Variants in DENND5A observed in about 807,000 individuals in gnomAD.
The protein encoded by DENND5A is DENN domain-containing protein 5A.
Under a neutral mutation model 140.3 loss-of-function variants are expected in DENND5A, and 64 were observed. The ratio of observed to expected loss-of-function variants is 0.46; its 90% CI spans 0.37 to 0.56. The LOEUF (loss-of-function observed/expected upper bound fraction) is 0.56, where lower values mean the gene tolerates loss of function less well. Among genes scored for constraint, DENND5A ranks in the 20% least tolerant of loss-of-function variants. DENND5A has a pLI of 0.00. For missense variants in DENND5A, 1,292 were observed against 1,593.8 expected (o/e 0.81, Z 3.22); for synonymous variants, 605 against 607.7 (o/e 1.00, Z 0.07).
chr11:9,240,758 A>G (rs1851203108), intron 1 of DENND5A, among the ~76,000 whole-genome samples: 1 of 151,830 alleles, frequency 6.6e-6, no homozygotes, highest in African/African-American at 2.4e-5. Flanking sequence ...GCCTTGTTTC[A>G]GTGTGCCTGC....
At chr11:9,227,152 G>A (rs1850562945) in intron 1 of DENND5A, among the ~76,000 whole-genome samples, 1 of 151,194 alleles carries the variant, frequency 6.6e-6, no homozygotes, top group African/African-American at 2.4e-5. Context: ...TGGGCAACAA[G>A]AGTGAAACTC....
chr11:9,263,496 A>G (rs1590356082), intron 1 of DENND5A, among the ~76,000 whole-genome samples: 1 of 146,454 alleles, frequency 6.8e-6, no homozygotes, highest in South Asian at 2.3e-4. Flanking sequence ...TGCTGGGATT[A>G]CCCCTGAGCC....
At chr11:9,186,454 T>C (rs1848916356) in intron 5 of DENND5A, among the ~76,000 whole-genome samples, 1 of 152,182 alleles carries the variant, frequency 6.6e-6, no homozygotes, top group Non-Finnish European at 1.5e-5. Flanking sequence ...AATGCAATCA[T>C]TTACCTCCTC....
chr11:9,216,106 G>C (rs899583172), intron 1 of DENND5A, among the ~76,000 whole-genome samples: 3 of 152,232 alleles, frequency 2.0e-5, no homozygotes, highest in African/African-American at 7.2e-5. Flanking sequence ...AACTAGTCAA[G>C]AAGGCAGGAG....
At chr11:9,193,375 A>G in intron 5 of DENND5A, 119 bp downstream of exon 5, 4 of 760,396 alleles carry the variant, frequency 5.3e-6, no homozygotes, top group Non-Finnish European at 7.8e-6. Flanking sequence ...GAAGTTATTC[A>G]TAATCACCAA....
At chr11:9,260,475 C>G (rs1316852336) in intron 1 of DENND5A, among the ~76,000 whole-genome samples, 1 of 152,130 alleles carries the variant, frequency 6.6e-6, no homozygotes, top group Non-Finnish European at 1.5e-5. Flanking sequence ...TCTGCCTCCC[C>G]ACTTACGATG....
At chr11:9,227,169 AAAATAAATAAATAAAT>A (rs540334549) in intron 1 of DENND5A, among the ~76,000 whole-genome samples, 7 of 145,746 alleles carry the variant, frequency 4.8e-5, no homozygotes, top group East Asian at 2.0e-4. Context: ...ACTCCATCTC[AAAATAAATAAATAAAT>A]AAATAAATAA....
At chr11:9,187,561 G>A (rs1463784357) in intron 5 of DENND5A, among the ~76,000 whole-genome samples, 3 of 152,138 alleles carry the variant, frequency 2.0e-5, no homozygotes, top group Non-Finnish European at 4.4e-5. Context: ...GTTATTCATT[G>A]AAAAGGAGTT....
intron 11 of DENND5A, among the ~76,000 whole-genome samples, chr11:9,163,216 C>T (rs1246457983): frequency 1.3e-5 from 2 of 152,138 alleles, no homozygotes; most frequent in Non-Finnish European, 2.9e-5. Context: ...TTGTACATAT[C>T]TCTTGGGACA....
At chr11:9,235,084 A>G (rs931511578) in intron 1 of DENND5A, among the ~76,000 whole-genome samples, 1 of 152,194 alleles carries the variant, frequency 6.6e-6, no homozygotes, top group African/African-American at 2.4e-5. Context: ...GCAGTTTCTT[A>G]AAGTTACTAT....
intron 12 of DENND5A, 42 bp downstream of exon 12, chr11:9,160,671 G>A: frequency 6.4e-7 from 1 of 1,569,456 alleles, no homozygotes; most frequent in Non-Finnish European, 8.7e-7. Flanking sequence ...CTGAAAACAG[G>A]AAGACAATTT....
At chr11:9,147,328 C>T (rs773807152) in intron 15 of DENND5A, among the ~76,000 whole-genome samples, 177 bp from the exon 16 acceptor site, 14 of 152,154 alleles carry the variant, frequency 9.2e-5, no homozygotes, top group African/African-American at 1.7e-4. Context: ...AGAGGGACAA[C>T]GGTTTAAGCT....
At chr11:9,231,584 G>A (rs150685111) in intron 1 of DENND5A, among the ~76,000 whole-genome samples, 9 of 152,022 alleles carry the variant, frequency 5.9e-5, no homozygotes, top group Non-Finnish European at 1.2e-4. Context: ...GAGTGGTGGC[G>A]CATGCCTGTA....
intron 8 of DENND5A, among the ~76,000 whole-genome samples, chr11:9,174,118 A>AG (rs1848470695): frequency 6.8e-6 from 1 of 147,238 alleles, no homozygotes; most frequent in South Asian, 2.1e-4. Context: ...AAAAAAAAAA[A>AG]AAAAAAAAAA....
intron 16 of DENND5A, among the ~76,000 whole-genome samples, chr11:9,146,162 A>G (rs1590205398): frequency 6.6e-6 from 1 of 152,182 alleles, no homozygotes; most frequent in South Asian, 2.1e-4. Flanking sequence ...TCTTCAATCT[A>G]TCATCTCATG....
At chr11:9,244,588 T>C (rs1851384254) in intron 1 of DENND5A, among the ~76,000 whole-genome samples, 1 of 152,106 alleles carries the variant, frequency 6.6e-6, no homozygotes, top group African/African-American at 2.4e-5. Context: ...AGGCTGGTCT[T>C]GAACTCCTGA....
chr11:9,149,835 A>C (rs758179624), intron 15 of DENND5A, among the ~76,000 whole-genome samples: 5 of 152,236 alleles, frequency 3.3e-5, no homozygotes, highest in Non-Finnish European at 4.4e-5. Flanking sequence ...CATCCTTCCC[A>C]CTACCTCTCC....
intron 12 of DENND5A, among the ~76,000 whole-genome samples, chr11:9,158,782 T>C (rs908947380): frequency 3.9e-5 from 6 of 152,160 alleles, no homozygotes; most frequent in African/African-American, 9.7e-5. Flanking sequence ...ACAAAGCAAG[T>C]TGCAAAGCAT....
chr11:9,243,088 AAAAAAAAAAAAAAAAAC>A (rs1851307356), intron 1 of DENND5A, among the ~76,000 whole-genome samples: 1 of 52,926 alleles, frequency 1.9e-5, no homozygotes, highest in Non-Finnish European at 3.8e-5. Flanking sequence ...ACTCTGTCTC[AAAAAAAAAAAAAAAAAC>A]AAAAAAAAAA....
Sources: gnomAD v4.1 joint callset for allele counts (sites outside exome capture counted in the v4.1 genomes callset) on GRCh38, gnomAD v4.1.1 for gene constraint, MANE v1.5 for transcripts, NCBI Gene and HGNC (gene_info 2026-07-23, HGNC 2026-07-21) for gene names.